ASL: variants seen among roughly 807,000 people sequenced by gnomAD.
ASL encodes argininosuccinate lyase.
In ASL, 51 loss-of-function variants were observed where a neutral mutation model predicts 69.1. That is an observed-to-expected ratio of 0.74 (90% CI 0.59 to 0.93). ASL has a LOEUF of 0.93. Among genes scored for constraint, ASL ranks in the 40% least tolerant of loss-of-function variants. The pLI is 0.00. For missense variants in ASL, 540 were observed against 623.9 expected, an observed-to-expected ratio of 0.87 and a Z score of 1.43; for synonymous variants, 241 against 247.6, an observed-to-expected ratio of 0.97 and a Z score of 0.25.
At chr7:66,075,946 G>T in intron 1 of ASL, 90 bp downstream of exon 1, 2 of 1,185,236 alleles carry the variant, frequency 1.7e-6, no homozygotes, top group Admixed American at 2.1e-5. Flanking sequence ...CAAGGGCTGC[G>T]CTCCCTCAAG....
intron 15 of ASL, 61 bp from the exon 16 acceptor site, chr7:66,092,496 T>A: frequency 7.0e-7 from 1 of 1,425,044 alleles, no homozygotes. Flanking sequence ...GTGCAGGCAA[T>A]GGAGGCAGAT....
rs763407938 is a variant in ASL, at chr7:66,089,327, GACTT to G, written c.973_976del (p.Leu325ArgfsTer14). 1.0e-5 allele frequency: 16 copies of G among 1,606,914 alleles called. No homozygotes were observed. The highest frequency in any genetic ancestry group is 1.3e-5 in the Non-Finnish European group (15 of 1,176,746). On this transcript the variant is annotated frameshift_variant, in exon 13 of 17. Transcript: ENST00000304874. LOFTEE classifies it high-confidence loss of function. ...GGGACTTCCCAGCACCTACAACAAA[GACTT>G]ACAGGTGCGAGGCCGGGGGAGGCCT...
intron 16 of ASL, 50 bp downstream of exon 16, chr7:66,092,713 T>A (rs760323068): frequency 6.2e-7 from 1 of 1,613,522 alleles, no homozygotes; most frequent in East Asian, 2.2e-5. Context: ...TGAGCCTGGG[T>A]GCCTGGAGCC....
chr7:66,081,731 C>A, intron 2 of ASL, 72 bp from the exon 3 acceptor site: 1 of 1,536,818 alleles, frequency 6.5e-7, no homozygotes, highest in South Asian at 1.3e-5. Context: ...ATAAGTTTCC[C>A]AAAGACTCTT....
chr7:66,083,250 G>T, intron 6 of ASL, 76 bp downstream of exon 6: 2 of 1,498,944 alleles, frequency 1.3e-6, no homozygotes, highest in Non-Finnish European at 1.8e-6. Context: ...GGGGGCAGGG[G>T]TGAACAGCGT....
chr7:66,087,729 A>G lies in ASL; in HGVS notation c.656A>G (p.Glu219Gly). The G allele has an allele frequency of 6.2e-7, 1 of 1,613,926 alleles. No homozygotes were observed. The highest frequency in any genetic ancestry group is 1.1e-5 in the South Asian group (1 of 91,070). Residue 219 changes from glutamate (E) to glycine (G), a missense_variant and splice_region_variant, in exon 10 of 17, where the codon GAA (glutamate) becomes GGA (glycine). Coordinates refer to ENST00000304874, the MANE Select transcript of ASL (RefSeq NM_000048.4). ...GCCCTGCTTCCTCCCACCCCCCCAG[A>G]ACTCAACTTTGGGGCCATCACTCTC... is the stretch of plus-strand genomic sequence containing the variant. ...LGVDRELLRA[E>G]LNFGAITLNS... is the part of the protein sequence containing the mutation.
chr7:66,079,376 C>G lies in ASL; in HGVS notation c.13-2427C>G, dbSNP rs568704309. 3.3e-5 allele frequency among the ~76,000 whole-genome samples: 5 copies of G among 152,278 alleles called. No homozygotes were observed. In the East Asian group the frequency reaches 9.7e-4, roughly 29 times the overall value. Reference sequence around the variant, plus strand: ...ATGCCCACCTCTACCCCACCCTCCTCCCAGTCCTGGGCACTAGGGCTGCTC... The same window carrying G: ...ATGCCCACCTCTACCCCACCCTCCTGCCAGTCCTGGGCACTAGGGCTGCTC... On this transcript the variant is annotated intron_variant, in intron 2 of 16. Transcript: ENST00000304874.
intron 6 of ASL, among the ~76,000 whole-genome samples, chr7:66,084,770 C>A (rs909863267): frequency 6.6e-6 from 1 of 152,154 alleles, no homozygotes; most frequent in Admixed American, 6.6e-5. Context: ...CAGGTGCCCA[C>A]CACCACGCCC....
chr7:66,090,511 C>T (rs1315158940), intron 14 of ASL, among the ~76,000 whole-genome samples: 1 of 152,064 alleles, frequency 6.6e-6, no homozygotes, highest in African/African-American at 2.4e-5. Context: ...TGGCCCCAAG[C>T]CATCCTCCCA....
chr7:66,087,188 C>T, intron 8 of ASL, 146 bp from the exon 9 acceptor site: 1 of 918,096 alleles, frequency 1.1e-6, no homozygotes, highest in Non-Finnish European at 1.7e-6. Context: ...AGGGAAGAGG[C>T]TAAGCGCCAG....
chr7:66,093,184 G>A lies in ASL; in HGVS notation c.*272G>A. ...ATAAAACAAATAGCCTGGCGTGGTG[G>A]CCCATGCATATAGTCCCAGCTACTT... On this transcript the variant is annotated 3_prime_UTR_variant, in exon 17 of 17. Coordinates refer to ENST00000304874, the MANE Select transcript of ASL (RefSeq NM_000048.4). The A allele has an allele frequency of 3.7e-6, 2 of 539,340 alleles. No individual in the cohort carries two copies. Among genetic ancestry groups the A allele is most frequent in the East Asian group, 3.4e-5 (1 of 29,692 alleles). 33.4% of individuals were successfully genotyped at this position (539,340 alleles called of 1,614,324 possible).
At chr7:66,075,887 G>A (rs1015270428) in intron 1 of ASL, 31 bp downstream of exon 1, 8 of 625,602 alleles carry the variant, frequency 1.3e-5, no homozygotes, top group African/African-American at 1.2e-4. Flanking sequence ...TGGGCGGGAC[G>A]GGCGTGGAGG....
chr7:66,087,052 T>C, intron 8 of ASL: 1 of 650,990 alleles, frequency 1.5e-6, no homozygotes, highest in Non-Finnish European at 2.6e-6. Context: ...CCTGCTGCCC[T>C]CAGCCTGACA....
intron 2 of ASL, among the ~76,000 whole-genome samples, chr7:66,081,013 A>C (rs1470262723): frequency 2.0e-5 from 3 of 152,216 alleles, no homozygotes; most frequent in Non-Finnish European, 2.9e-5. Context: ...CTGGTGGAAC[A>C]GGGGTGAAAA....
At chr7:66,086,683 GGGCTGTGCTAGAGGGGAGGACCCC>G in intron 7 of ASL, 21 bp downstream of exon 7, 1 of 1,613,604 alleles carries the variant, frequency 6.2e-7, no homozygotes, top group Non-Finnish European at 8.5e-7. Flanking sequence ...TGAGGTGCAG[GGGCTGTGCTAGAGGGGAGGACCCC>G]GGCTGCCCTG....
chr7:66,083,322 C>A, intron 6 of ASL, 148 bp downstream of exon 6: 2 of 784,796 alleles, frequency 2.5e-6, no homozygotes, highest in South Asian at 1.6e-5. Flanking sequence ...GCAGAGCAGC[C>A]AGGAGTGGGC....
At position 66,093,350 on chromosome 7, in the gene ASL, C is replaced by T. The variant is rs946251638; in HGVS notation, c.*438C>T. On this transcript the variant is annotated 3_prime_UTR_variant, in exon 17 of 17. Transcript: ENST00000304874. ...TAAATAAACGAAAAATAAATGGAAG[C>T]GGAGAAAACTGGGCAAGGGCAATGA... is the stretch of plus-strand genomic sequence containing the variant. The T allele has an allele frequency of 1.4e-5, 4 of 286,402 alleles. No homozygotes were observed. The highest frequency in any genetic ancestry group is 4.4e-5 in the African/African-American group (2 of 45,738). 17.7% of individuals were successfully genotyped at this position (286,402 alleles called of 1,614,324 possible).
intron 1 of ASL, 52 bp downstream of exon 1, chr7:66,075,908 C>A: frequency 1.3e-6 from 1 of 772,382 alleles, no homozygotes; most frequent in Non-Finnish European, 2.1e-6. Flanking sequence ...ACGCCGAGCA[C>A]CGTGGCGCGC....
At chr7:66,082,265 C>T in intron 3 of ASL, 103 bp from the exon 4 acceptor site, 2 of 1,273,522 alleles carry the variant, frequency 1.6e-6, no homozygotes, top group Non-Finnish European at 2.2e-6. Flanking sequence ...AGCTCCTGGG[C>T]AGGGACAGTC....
Sources: gnomAD v4.1 joint callset for allele counts (sites outside exome capture counted in the v4.1 genomes callset) on GRCh38, gnomAD v4.1.1 for gene constraint, MANE v1.5 for transcripts, NCBI Gene and HGNC (gene_info 2026-07-23, HGNC 2026-07-21) for gene names.